The following BCL2L14 variants were observed in gnomAD, a reference collection of about 807,000 sequenced individuals.
The protein encoded by BCL2L14 is BCL2 like 14.
In BCL2L14, 27 loss-of-function variants were observed where a neutral mutation model predicts 35.3. The observed-to-expected ratio is 0.76, with a 90% CI of 0.56 to 1.05. BCL2L14 has a LOEUF of 1.05. Among genes scored for constraint, BCL2L14 ranks in the 50% least tolerant of loss-of-function variants. The pLI is 0.00. For missense variants in BCL2L14, 377 were observed against 382.6 expected, an observed-to-expected ratio of 0.99 and a Z score of 0.12; for synonymous variants, 139 against 145.9, an observed-to-expected ratio of 0.95 and a Z score of 0.34.
intron 1 of BCL2L14, among the ~76,000 whole-genome samples, chr12:12,073,943 C>T (rs1020029598): frequency 3.9e-5 from 6 of 152,144 alleles, no homozygotes; most frequent in African/African-American, 1.4e-4. Flanking sequence ...CCTGCTTGCA[C>T]GCACCTCAGG....
chr12:12,090,982 T>C, intron 4 of BCL2L14, 133 bp downstream of exon 4: 1 of 507,996 alleles, frequency 2.0e-6, no homozygotes, highest in Non-Finnish European at 3.2e-6. Context: ...AAATTTTATT[T>C]CCCTTGGAGT....
At chr12:12,054,675 G>C (rs1455476532) in intron 2 of BCL2L14, 1 of 152,138 alleles carries the variant, frequency 6.6e-6, no homozygotes, top group Non-Finnish European at 1.5e-5. Context: ...AACAGGCCAG[G>C]CGTGTTGGCT....
At chr12:12,083,517 G>A (rs140554342) in intron 2 of BCL2L14, among the ~76,000 whole-genome samples, 75 of 152,268 alleles carry the variant, frequency 4.9e-4, no homozygotes, top group African/African-American at 1.8e-3. Flanking sequence ...TTAAGGTGAG[G>A]TTCAGCGATA....
intron 4 of BCL2L14, 151 bp downstream of exon 4, chr12:12,091,000 C>A (rs1289248640): frequency 1.3e-5 from 6 of 463,628 alleles, no homozygotes; most frequent in Non-Finnish European, 1.8e-5. Flanking sequence ...AGTCAAAATT[C>A]TTCATGCTGG....
chr12:12,098,576 C>T (rs1303284008), intron 5 of BCL2L14, among the ~76,000 whole-genome samples: 3 of 152,170 alleles, frequency 2.0e-5, no homozygotes, highest in Non-Finnish European at 2.9e-5. Context: ...TGTGGAGCAC[C>T]ATTCACATAG....
At chr12:12,095,715 G>A (rs1465133821) in intron 5 of BCL2L14, 4 of 985,232 alleles carry the variant, frequency 4.1e-6, no homozygotes, top group Admixed American at 6.1e-5. Flanking sequence ...GGATTGAGTC[G>A]GCTCTAGGCA....
chr12:12,091,531 G>A (rs758982469), intron 4 of BCL2L14, among the ~76,000 whole-genome samples: 7 of 152,210 alleles, frequency 4.6e-5, no homozygotes, highest in African/African-American at 9.7e-5. Context: ...TCAATCAGGG[G>A]CTGGCTTGCA....
At chr12:12,050,810 A>AAAAAAAAAAAAAAAAAAAAAAAAAG (rs1555084771) in intron 1 of BCL2L14, among the ~76,000 whole-genome samples, 1 of 110,060 alleles carries the variant, frequency 9.1e-6, no homozygotes, top group Admixed American at 8.9e-5. Context: ...AAAAAAAAAA[A>AAAAAAAAAAAAAAAAAAAAAAAAAG]AAAGAAAAGA....
chr12:12,062,526 C>T (rs960336575), intron 2 of BCL2L14, among the ~76,000 whole-genome samples: 67 of 151,794 alleles, frequency 4.4e-4, no homozygotes, highest in Middle Eastern at 3.4e-3. Context: ...TGCTATTCTA[C>T]TACTCCTCAG....
intron 2 of BCL2L14, among the ~76,000 whole-genome samples, chr12:12,053,661 C>T (rs926414158): frequency 2.0e-5 from 3 of 152,166 alleles, no homozygotes; most frequent in Admixed American, 1.3e-4. Flanking sequence ...CTCAGGTACC[C>T]GCCTTGGCCT....
intron 2 of BCL2L14, among the ~76,000 whole-genome samples, chr12:12,056,957 G>A (rs1211890133): frequency 6.6e-6 from 1 of 152,168 alleles, no homozygotes; most frequent in Non-Finnish European, 1.5e-5. Flanking sequence ...TAATTTAAGT[G>A]ATTTAACCAA....
At chr12:12,088,893 C>T (rs1321364375) in intron 3 of BCL2L14, among the ~76,000 whole-genome samples, 5 of 149,608 alleles carry the variant, frequency 3.3e-5, no homozygotes, top group African/African-American at 1.2e-4. Flanking sequence ...TAAAAAAAAA[C>T]AGTGTGACAT....
chr12:12,057,238 G>C (rs1349043218), intron 2 of BCL2L14, among the ~76,000 whole-genome samples: 2 of 152,192 alleles, frequency 1.3e-5, no homozygotes, highest in Non-Finnish European at 2.9e-5. Context: ...AATATGCAAG[G>C]AATTATTTGC....
intron 1 of BCL2L14, among the ~76,000 whole-genome samples, chr12:12,074,731 G>A (rs4763775): frequency 0.13 from 19,185 of 152,110 alleles, 1,276 homozygotes; most frequent in Middle Eastern, 0.18. Flanking sequence ...GAGCCACCGC[G>A]CCCAGCCCAG....
chr12:12,063,721 G>A (rs1017676396), intron 2 of BCL2L14, among the ~76,000 whole-genome samples: 36 of 152,230 alleles, frequency 2.4e-4, no homozygotes, highest in Non-Finnish European at 4.3e-4. Flanking sequence ...TCATATCCCC[G>A]TGACCTGCAC....
chr12:12,096,044 C>A, intron 5 of BCL2L14: 1 of 985,246 alleles, frequency 1.0e-6, no homozygotes. Context: ...ATTCCTTCAC[C>A]CCAACAACCC....
rs184741137 is a variant in BCL2L14 at position 12,073,063 on chromosome 12, T to A, written c.-8+1926T>A. ...CACCACGCCCAGCTAATTTTTTTCATTTTTTGTAGAGACGGAGCCAAGGCT... is the reference window on the plus strand; with the variant it reads ...CACCACGCCCAGCTAATTTTTTTCAATTTTTGTAGAGACGGAGCCAAGGCT... On this transcript the variant is annotated intron_variant, in intron 1 of 5. Transcript: ENST00000308721. Among the ~76,000 whole-genome samples the A allele has an allele frequency of 9.8e-3, 1,487 of 152,180 alleles. 12 individuals carry two copies. The highest frequency in any genetic ancestry group is 0.015 in the Non-Finnish European group (1,018 of 68,024).
chr12:12,094,715 T>C lies in BCL2L14; in HGVS notation c.730T>C (p.Ser244Pro). Reference sequence around the variant, plus strand: ...CCACTTCCAGGATGGGCTGTCCTACTCTGTTTTCAAGACCATCACAGACCA... The same window carrying C: ...CCACTTCCAGGATGGGCTGTCCTACCCTGTTTTCAAGACCATCACAGACCA... Reference protein sequence around the residue: ...MGHFQDGLSYSVFKTITDQVL... With the variant: ...MGHFQDGLSYPVFKTITDQVL... The change falls in exon 5 of 6, where the codon TCT (serine) becomes CCT (proline). Residue 244 changes from serine (S) to proline (P), a missense_variant. Ser to Pro is a moderately conservative substitution (Grantham distance 74, BLOSUM62 -1). Coordinates refer to ENST00000308721, the MANE Select transcript of BCL2L14 (RefSeq NM_138723.2). The C allele has an allele frequency of 5.0e-6, 8 of 1,614,192 alleles. No individual in the cohort carries two copies. Among genetic ancestry groups the C allele is most frequent in the Non-Finnish European group, 6.8e-6 (8 of 1,180,032 alleles).
At chr12:12,067,942 T>A (rs17757828), upstream of BCL2L14, among the ~76,000 whole-genome samples, 1 of 150,054 alleles carries the variant, frequency 6.7e-6, no homozygotes, top group African/African-American at 2.4e-5. Flanking sequence ...TTTCAGGACT[T>A]TTTTTTTTTG....
Sources: allele counts gnomAD v4.1 joint callset (sites outside exome capture counted in the v4.1 genomes callset), GRCh38; gene constraint gnomAD v4.1.1; transcripts MANE v1.5; gene names NCBI Gene and HGNC (gene_info 2026-07-23, HGNC 2026-07-21).